MAPKBP1: variants seen among roughly 807,000 people sequenced by gnomAD.
The protein encoded by MAPKBP1 is mitogen-activated protein kinase-binding protein 1.
Under a neutral mutation model 170.5 loss-of-function variants are expected in MAPKBP1, and 71 were observed. The ratio of observed to expected loss-of-function variants is 0.42; its 90% confidence interval spans 0.34 to 0.51. The LOEUF (loss-of-function observed/expected upper bound fraction) is 0.51. Among genes scored for constraint, MAPKBP1 ranks in the 20% least tolerant of loss-of-function variants. The probability of loss-of-function intolerance (pLI) is 0.06; values close to 1 mark genes in which losing one functional copy is unlikely to be tolerated. For synonymous variants in MAPKBP1, 719 were observed against 757.9 expected (o/e 0.95, Z 0.84); for missense variants, 1,598 against 1,933.0 (o/e 0.83, Z 3.25).
intron 28 of MAPKBP1, 82 bp from the exon 29 acceptor site, chr15:41,823,365 A>G (rs2065033809): frequency 6.4e-7 from 1 of 1,551,572 alleles, no homozygotes. Context: ...GGAGGGGAAC[A>G]GCAGCTCTTC....
At chr15:41,816,492 A>T (rs1418010196) in intron 12 of MAPKBP1, 67 bp from the exon 13 acceptor site, 4 of 1,055,700 alleles carry the variant, frequency 3.8e-6, no homozygotes, top group African/African-American at 1.6e-5. Context: ...AATGTAGCAG[A>T]GGAGGGGGCG....
Position 41,785,556 on chromosome 15 carries a change from C to T in MAPKBP1, c.114+10167C>T, listed in dbSNP as rs560825576. Among the ~76,000 whole-genome samples the T allele has an allele frequency of 3.3e-5, 5 of 151,946 alleles. No homozygotes were observed. The East Asian group carries it at 9.7e-4, about 29-fold the overall frequency. Reference sequence around the variant, plus strand: ...TCTAGATGTAGAAATAATTTTTTTTCTTTTGGGTCTAATTTATATTGACAA... The same window carrying T: ...TCTAGATGTAGAAATAATTTTTTTTTTTTTGGGTCTAATTTATATTGACAA... On this transcript the variant is annotated intron_variant, in intron 2 of 30. Coordinates refer to ENST00000457542, the MANE Select transcript of MAPKBP1 (RefSeq NM_014994.3).
intron 12 of MAPKBP1, 107 bp from the exon 13 acceptor site, chr15:41,816,452 A>G (rs1269461554): frequency 1.4e-5 from 10 of 735,446 alleles, no homozygotes; most frequent in South Asian, 9.8e-5. Flanking sequence ...TCTAAGCCTA[A>G]AAGTTCAAAA....
intron 12 of MAPKBP1, 66 bp from the exon 13 acceptor site, chr15:41,816,490 AGAG>A (rs2064893560): frequency 9.7e-7 from 1 of 1,033,678 alleles, no homozygotes; most frequent in Non-Finnish European, 1.5e-6. Context: ...AAAATGTAGC[AGAG>A]GAGGGGGCGT....
intron 2 of MAPKBP1, among the ~76,000 whole-genome samples, chr15:41,792,786 G>A (rs767847830): frequency 6.6e-6 from 1 of 152,164 alleles, no homozygotes; most frequent in Non-Finnish European, 1.5e-5. Context: ...CAGACTTTAT[G>A]GACAGTAATT....
intron 2 of MAPKBP1, among the ~76,000 whole-genome samples, chr15:41,797,691 C>T (rs1044130475): frequency 1.3e-5 from 2 of 152,166 alleles, no homozygotes; most frequent in Admixed American, 6.5e-5. Flanking sequence ...TTTAGTGCCT[C>T]AGATCGGCGC....
chr15:41,825,195 G>A lies in MAPKBP1; in HGVS notation c.4300-14G>A, dbSNP rs745613367. On this transcript the variant is annotated splice_polypyrimidine_tract_variant and intron_variant, in intron 30 of 30. Transcript: ENST00000457542. ...ACAGGCTCCTCCACCTCACTTCTGG[G>A]GGTGCTATTTCAGGTGGCTGGCTGC... is the stretch of plus-strand genomic sequence containing the variant. 3.8e-6 allele frequency: 6 copies of A among 1,570,238 alleles called. No individual in the cohort carries two copies. The South Asian group carries it at 5.8e-5, about 15-fold the overall frequency.
At chr15:41,782,828 ACT>A (rs1158506002) in intron 2 of MAPKBP1, among the ~76,000 whole-genome samples, 1 of 152,136 alleles carries the variant, frequency 6.6e-6, no homozygotes, top group Non-Finnish European at 1.5e-5. Flanking sequence ...AAAAAAAAAT[ACT>A]TTGTCCCCAA....
rs2064934687 is a variant in MAPKBP1 at position 41,818,749 on chromosome 15, A to G, written c.2157-74A>G. On this transcript the variant is annotated intron_variant, in intron 19 of 30. Transcript: ENST00000457542. This position sits in a 1 kb window ranked among gnomAD's most constrained non-coding sequence, Gnocchi z 5.2. ...GGTGGCTCTGGTCTCCTTGCCATCC[A>G]TGGATAAGGGGAACGAATGGCGCTA... 2 of 1,589,602 alleles carry G rather than the reference A, an allele frequency of 1.3e-6. No homozygotes were observed. Among genetic ancestry groups the G allele is most frequent in the Admixed American group, 3.4e-5 (2 of 58,532 alleles).
rs1391127116 is a variant in MAPKBP1 at position 41,824,518 on chromosome 15, G to A, written c.4248G>A (p.Leu1416=). ...TGAGCCTGGAGCAGTGTGAGCAGCT[G>A]GTGGCAGAGCTCCGCGGCAGCGTGC... ...PAVSLEQCEQ[L]VAELRGSVRQ... is the part of the protein sequence containing the mutation. Residue 1416 remains leucine (L), a synonymous_variant, in exon 30 of 31, where the codon CTG becomes CTA. Coordinates refer to ENST00000457542, the MANE Select transcript of MAPKBP1 (RefSeq NM_014994.3). 6.9e-6 allele frequency: 11 copies of A among 1,602,832 alleles called. No individual in the cohort carries two copies. Among genetic ancestry groups the A allele is most frequent in the Non-Finnish European group, 9.4e-6 (11 of 1,175,268 alleles).
chr15:41,823,532 G>A lies in MAPKBP1; in HGVS notation c.3684G>A (p.Leu1228=). Residue 1228 remains leucine, a synonymous_variant, in exon 29 of 31, where the codon CTG becomes CTA. Transcript: ENST00000457542. ...EIEAQDGLGS[L]PPADGRPSRP... is the part of the protein sequence containing the mutation. ...AAGCTCAGGATGGTCTGGGCTCCCTGCCCCCAGCTGATGGCCGTCCGTCTC... is the reference window on the plus strand; with the variant it reads ...AAGCTCAGGATGGTCTGGGCTCCCTACCCCCAGCTGATGGCCGTCCGTCTC... 4.3e-6 allele frequency: 7 copies of A among 1,614,016 alleles called. No individual in the cohort carries two copies. The highest frequency in any genetic ancestry group is 2.2e-5 in the South Asian group (2 of 91,086).
At chr15:41,811,473 G>A in intron 5 of MAPKBP1, 1 of 694,432 alleles carries the variant, frequency 1.4e-6, no homozygotes, top group Non-Finnish European at 2.6e-6. Context: ...CTGTAGGTCT[G>A]GGATGGGAGT....
At chr15:41,775,694 C>A (rs2152065082) in intron 2 of MAPKBP1, among the ~76,000 whole-genome samples, 1 of 152,320 alleles carries the variant, frequency 6.6e-6, no homozygotes, top group Admixed American at 6.5e-5. Context: ...ACTCAGTTTC[C>A]CTTCTTGGGA....
At chr15:41,785,986 G>A (rs74678838) in intron 2 of MAPKBP1, among the ~76,000 whole-genome samples, 4,560 of 152,202 alleles carry the variant, frequency 0.03, 89 homozygotes, top group Non-Finnish European at 0.046. Flanking sequence ...AGTTATCCAG[G>A]TACCTATGAG....
chr15:41,819,184 C>G (rs546089716), intron 20 of MAPKBP1, 62 bp from the exon 21 acceptor site: 1 of 1,583,830 alleles, frequency 6.3e-7, no homozygotes, highest in South Asian at 1.1e-5. Context: ...TCTTCCCCCA[C>G]TGAGCCTCCT....
intron 20 of MAPKBP1, 49 bp from the exon 21 acceptor site, chr15:41,819,196 TC>T: frequency 1.9e-6 from 3 of 1,598,364 alleles, no homozygotes; most frequent in Non-Finnish European, 2.6e-6. Context: ...GAGCCTCCTC[TC>T]CCCCTATTGA....
rs751821100 is a variant in MAPKBP1, at chr15:41,825,474, C to T, written c.*38C>T. The T allele has an allele frequency of 2.0e-6, 3 of 1,516,246 alleles. No homozygotes were observed. Among genetic ancestry groups the T allele is most frequent in the East Asian group, 2.4e-5 (1 of 41,516 alleles). The allele number at this position is 1,516,246 out of a possible 1,614,324, so 93.9% of individuals were successfully genotyped here. A position where few individuals can be genotyped will look rare whatever the true frequency, so the allele number is the denominator to read the frequency against. On this transcript the variant is annotated 3_prime_UTR_variant, in exon 31 of 31. Transcript: ENST00000457542. ...TGTCCCAAGTGAATGAATGCTCCAG[C>T]GATTCCAAACTGCAGCCCCTCTGCC...
At chr15:41,802,012 C>G (rs1010031090) in intron 3 of MAPKBP1, among the ~76,000 whole-genome samples, 7 of 152,102 alleles carry the variant, frequency 4.6e-5, no homozygotes, top group African/African-American at 1.2e-4. Context: ...ATGGTATAGC[C>G]TACTACATAC....
intron 2 of MAPKBP1, among the ~76,000 whole-genome samples, chr15:41,787,604 G>C (rs533248460): frequency 3.3e-4 from 50 of 152,224 alleles, no homozygotes; most frequent in African/African-American, 1.2e-3. Flanking sequence ...CTGACCTTGT[G>C]ATCCACCCAC....
Sources: gnomAD v4.1 joint callset for allele counts (sites outside exome capture counted in the v4.1 genomes callset) on GRCh38, gnomAD v4.1.1 for gene constraint, Gnocchi (gnomAD v3.1) non-coding constraint, MANE v1.5 for transcripts, NCBI Gene and HGNC (gene_info 2026-07-23, HGNC 2026-07-21) for gene names.